The following USH2A variants were observed in gnomAD, a reference collection of about 807,000 sequenced individuals.
USH2A encodes Usher syndrome 2A (autosomal recessive, mild).
In USH2A, 443 loss-of-function variants were observed where a neutral mutation model predicts 538.9. The ratio of observed to expected loss-of-function variants is 0.82; its 90% CI spans 0.76 to 0.89. USH2A has a LOEUF of 0.89. Among genes scored for constraint, USH2A ranks in the 40% least tolerant of loss-of-function variants. The pLI is 0.00. For synonymous variants in USH2A, 2,413 were observed against 2,273.5 expected (o/e 1.06, Z -1.75); for missense variants, 6,633 against 6,324.8 (o/e 1.05, Z -1.65).
intron 34 of USH2A, among the ~76,000 whole-genome samples, chr1:215,996,974 C>T (rs181278848): frequency 6.6e-6 from 1 of 152,094 alleles, no homozygotes. Flanking sequence ...TTTTCCAGCT[C>T]TTAGTCGACA....
intron 8 of USH2A, 85 bp downstream of exon 8, chr1:216,323,389 A>G: frequency 7.4e-7 from 1 of 1,360,026 alleles, no homozygotes; most frequent in African/African-American, 1.4e-5. Context: ...AAAGCTTGAA[A>G]TCTGGCTTGC....
intron 22 of USH2A, among the ~76,000 whole-genome samples, chr1:216,090,930 A>T (rs1200134057): frequency 6.6e-6 from 1 of 152,184 alleles, no homozygotes; most frequent in Non-Finnish European, 1.5e-5. Context: ...ACGATGCTGC[A>T]TTCTAAAGAT....
In USH2A at chr1:215,945,311, A is replaced by C. The variant is rs189450751; in HGVS notation, c.7121-10516T>G. Among the ~76,000 whole-genome samples the C allele has an allele frequency of 2.2e-3, 331 of 152,246 alleles. 2 individuals carry two copies. The highest frequency in any genetic ancestry group is 0.014 in the Middle Eastern group (4 of 294). On this transcript the variant is annotated intron_variant, in intron 37 of 71. Coordinates refer to ENST00000307340, the MANE Select transcript of USH2A (RefSeq NM_206933.4). ...GGCTTTCCAGCCTGGACAATTATAG[A>C]AATGAAAAGACCTAGGCTGGATACC... is the stretch of plus-strand genomic sequence containing the variant.
intron 61 of USH2A, among the ~76,000 whole-genome samples, chr1:215,702,707 C>G (rs1659066828): frequency 6.6e-6 from 1 of 151,858 alleles, no homozygotes; most frequent in African/African-American, 2.4e-5. Context: ...GTTAGCAGTT[C>G]CTGTAACCTT....
intron 60 of USH2A, among the ~76,000 whole-genome samples, chr1:215,734,059 G>A (rs1389330916): frequency 2.0e-5 from 3 of 152,150 alleles, no homozygotes; most frequent in Non-Finnish European, 4.4e-5. Flanking sequence ...TTCTCTGTAA[G>A]GGCTTCACCC....
intron 22 of USH2A, among the ~76,000 whole-genome samples, chr1:216,096,393 C>T (rs2032441466): frequency 6.6e-6 from 1 of 152,142 alleles, no homozygotes; most frequent in South Asian, 2.1e-4. Flanking sequence ...CCCTGTACTG[C>T]CCCACCTGAA....
chr1:216,377,787 G>T (rs574045966), intron 3 of USH2A, among the ~76,000 whole-genome samples: 1 of 28,508 alleles, frequency 3.5e-5, no homozygotes, highest in Admixed American at 5.0e-4. Context: ...TAAAAAGAAA[G>T]AAAGAGAAGG....
intron 32 of USH2A, among the ~76,000 whole-genome samples, chr1:216,019,689 A>G (rs1193767729): frequency 1.3e-5 from 2 of 152,194 alleles, no homozygotes. Flanking sequence ...TCTAGTAGTT[A>G]CAAAGGCTGG....
At chr1:215,823,072 T>C (rs898528461) in intron 47 of USH2A, among the ~76,000 whole-genome samples, 5 of 152,074 alleles carry the variant, frequency 3.3e-5, no homozygotes, top group African/African-American at 1.2e-4. Context: ...GATGAGTGGA[T>C]TGCATGCTGC....
chr1:216,280,450 TAAATTGTATCCTACTCA>T (rs1337273238), intron 11 of USH2A, among the ~76,000 whole-genome samples: 1 of 151,948 alleles, frequency 6.6e-6, no homozygotes, highest in Non-Finnish European at 1.5e-5. Flanking sequence ...GACACAGACA[TAAATTGTATCCTACTCA>T]ATTTATACAG....
chr1:216,186,651 T>C (rs1011087560), intron 20 of USH2A, among the ~76,000 whole-genome samples: 1 of 151,982 alleles, frequency 6.6e-6, no homozygotes, highest in African/African-American at 2.4e-5. Context: ...AAAATCTGCA[T>C]CATTTTTAAG....
At chr1:215,707,942 G>A (rs2102695474) in intron 61 of USH2A, among the ~76,000 whole-genome samples, 1 of 152,286 alleles carries the variant, frequency 6.6e-6, no homozygotes, top group East Asian at 1.9e-4. Flanking sequence ...AGCTCTGTGT[G>A]CTAGAAGAGT....
Position 216,323,606 on chromosome 1 carries a change from G to A in USH2A, c.1418C>T (p.Thr473Ile), listed in dbSNP as rs2037662634. 1.9e-6 allele frequency: 3 copies of A among 1,613,476 alleles called. No individual in the cohort carries two copies. Among genetic ancestry groups the A allele is most frequent in the Non-Finnish European group, 2.5e-6 (3 of 1,179,736 alleles). ...YRPGYNNFYN[T>I]PSLQEFVKAT... is the part of the protein sequence containing the mutation. Reference sequence around the variant, plus strand: ...TTTTACGAACTCTTGAAGAGATGGGGTATTATAGAAGTTATTGTATCCAGG... The same window carrying A: ...TTTTACGAACTCTTGAAGAGATGGGATATTATAGAAGTTATTGTATCCAGG... The change falls in exon 8 of 72, where the codon ACC (threonine) becomes ATC (isoleucine). Residue 473 changes from threonine to isoleucine, a missense_variant. Transcript: ENST00000307340.
intron 3 of USH2A, among the ~76,000 whole-genome samples, chr1:216,396,873 T>G (rs565993132): frequency 6.6e-6 from 1 of 152,200 alleles, no homozygotes; most frequent in South Asian, 2.1e-4. Context: ...AAGTACAAAT[T>G]GTATTATCTC....
rs114557184 is a variant in USH2A at position 216,325,664 on chromosome 1, C to T, written c.849-65G>A. ...TAACAGTAATAGAACTTCTAGGAGT[C>T]GTTACAAATGAATGTCACTCGTTTA... On this transcript the variant is annotated intron_variant, in intron 5 of 71. Transcript: ENST00000307340. 2.7e-4 allele frequency: 405 copies of T among 1,491,132 alleles called. 1 individual carries two copies. In the African/African-American group the frequency reaches 3.9e-3, roughly 14 times the overall value. The allele number at this position is 1,491,132 out of a possible 1,614,324, so 92.4% of individuals were successfully genotyped here.
chr1:215,814,784 A>G (rs567348943), intron 48 of USH2A, among the ~76,000 whole-genome samples: 2 of 152,276 alleles, frequency 1.3e-5, no homozygotes, highest in South Asian at 4.1e-4. Context: ...AATTCTTTAT[A>G]GCACTGTGAA....
intron 61 of USH2A, among the ~76,000 whole-genome samples, chr1:215,714,230 C>A (rs1659420306): frequency 6.6e-6 from 1 of 151,790 alleles, no homozygotes; most frequent in Admixed American, 6.6e-5. Context: ...TAGCAAGAAA[C>A]CAGAAATAAA....
At chr1:215,797,454 A>G (rs960050262) in intron 50 of USH2A, among the ~76,000 whole-genome samples, 1 of 152,286 alleles carries the variant, frequency 6.6e-6, no homozygotes. Flanking sequence ...GGTAGAGGGA[A>G]AAAGTCAACG....
chr1:215,799,084 C>T lies in USH2A; in HGVS notation c.9781G>A (p.Val3261Ile). 1 of 1,614,054 alleles carries T rather than the reference C, an allele frequency of 6.2e-7. No individual in the cohort carries two copies. The highest frequency in any genetic ancestry group is 2.2e-5 in the East Asian group (1 of 44,850). ...CPDEQHNRVS[V>I]GIGDSCCGRM... is the part of the protein sequence containing the mutation. Reference sequence around the variant, plus strand: ...CCACAGCAGGAATCACCAATGCCAACAGAAACCCGATTGTGCTGTTCATCT... The same window carrying T: ...CCACAGCAGGAATCACCAATGCCAATAGAAACCCGATTGTGCTGTTCATCT... Residue 3261 changes from valine (V) to isoleucine (I), a missense_variant, in exon 50 of 72, where the codon GTT becomes ATT. Coordinates refer to ENST00000307340, the MANE Select transcript of USH2A (RefSeq NM_206933.4).
Sources: allele counts gnomAD v4.1 joint callset (sites outside exome capture counted in the v4.1 genomes callset), GRCh38; gene constraint gnomAD v4.1.1; transcripts MANE v1.5; gene names NCBI Gene and HGNC (gene_info 2026-07-23, HGNC 2026-07-21).